Variants in COBL observed in about 807,000 individuals in gnomAD.
COBL encodes protein cordon-bleu.
Under a neutral mutation model 98.8 loss-of-function variants are expected in COBL, and 51 were observed. The observed-to-expected ratio is 0.52, with a 90% CI of 0.41 to 0.65. The LOEUF (loss-of-function observed/expected upper bound fraction) is 0.65. Among genes scored for constraint, COBL ranks in the 30% least tolerant of loss-of-function variants. The probability of loss-of-function intolerance (pLI) is 0.00; values close to 1 mark genes in which losing one functional copy is unlikely to be tolerated. For synonymous variants in COBL, 634 were observed against 651.7 expected (o/e 0.97, Z 0.41); for missense variants, 1,617 against 1,617.5 (o/e 1.00, Z 0.01).
chr7:51,201,265 GA>G (rs1791099076), intron 2 of COBL, among the ~76,000 whole-genome samples: 1 of 148,642 alleles, frequency 6.7e-6, no homozygotes, highest in Admixed American at 6.7e-5. Flanking sequence ...AAGAAAGAAA[GA>G]ATGAAAGAAA....
At chr7:51,178,569 A>G (rs1445626827) in intron 5 of COBL, among the ~76,000 whole-genome samples, 4 of 152,160 alleles carry the variant, frequency 2.6e-5, no homozygotes, top group African/African-American at 9.7e-5. Context: ...ATAAAAAAAG[A>G]AGAGAGAGGA....
chr7:51,209,710 T>C (rs1792226658), intron 2 of COBL, among the ~76,000 whole-genome samples: 1 of 152,150 alleles, frequency 6.6e-6, no homozygotes, highest in Non-Finnish European at 1.5e-5. Context: ...CCAGTCCTCC[T>C]GCGGTCTGAG....
chr7:51,121,363 AG>A (rs1370810736), intron 6 of COBL, among the ~76,000 whole-genome samples: 1 of 151,948 alleles, frequency 6.6e-6, no homozygotes, highest in African/African-American at 2.4e-5. Context: ...TTTTTAATTG[AG>A]TTGTTTGTTT....
chr7:51,271,810 A>G (rs1007314646), intron 1 of COBL, among the ~76,000 whole-genome samples: 1 of 152,214 alleles, frequency 6.6e-6, no homozygotes, highest in Admixed American at 6.5e-5. Context: ...CAGGAGGATC[A>G]CTTGAGGTCA....
chr7:51,314,272 C>CT (rs1208679699), intron 1 of COBL, among the ~76,000 whole-genome samples: 1 of 152,180 alleles, frequency 6.6e-6, no homozygotes, highest in Non-Finnish European at 1.5e-5. Flanking sequence ...ACAGCAACAG[C>CT]TTCACCACAT....
chr7:51,041,979 C>T (rs565113501), intron 8 of COBL, among the ~76,000 whole-genome samples: 224 of 152,180 alleles, frequency 1.5e-3, no homozygotes, highest in African/African-American at 5.2e-3. Flanking sequence ...AGCACTGGAA[C>T]AGAACAACGT....
In COBL at chr7:51,028,470, T is replaced by A. The variant is rs1562813105; in HGVS notation, c.2626A>T (p.Ile876Leu). 6.2e-7 allele frequency: 1 copy of A among 1,614,286 alleles called. No homozygotes were observed. Among genetic ancestry groups the A allele is most frequent in the Admixed American group, 1.7e-5 (1 of 60,038 alleles). The part of the protein sequence containing the change: ...QYVASAIAKR[I>L]GAPKVHADVV... ...TCAGCATGGACTTTTGGGGCTCCTA[T>A]GCGCTTGGCAATGGCAGAGGCCACA... Residue 876 changes from isoleucine to leucine, a missense_variant, in exon 10 of 13, where the codon ATA becomes TTA. Around this residue, in one of 3 missense-constraint regions of COBL, gnomAD observed 1,304 missense variants for 1,282.0 expected, o/e 1.02. Coordinates refer to ENST00000265136, the MANE Select transcript of COBL (RefSeq NM_015198.5).
chr7:51,036,993 G>A (rs1021312048), intron 8 of COBL, among the ~76,000 whole-genome samples: 4 of 152,264 alleles, frequency 2.6e-5, no homozygotes, highest in Admixed American at 2.0e-4. Context: ...ATCAGTGCTA[G>A]TTCCACTGTT....
intron 1 of COBL, among the ~76,000 whole-genome samples, chr7:51,310,231 C>G (rs1802885069): frequency 6.6e-6 from 1 of 152,200 alleles, no homozygotes. Flanking sequence ...AGAACACTGG[C>G]ACCTGGCAGA....
chr7:51,270,416 A>G (rs1354910676), intron 1 of COBL, among the ~76,000 whole-genome samples: 2 of 152,210 alleles, frequency 1.3e-5, no homozygotes, highest in Admixed American at 1.3e-4. Context: ...TGATGTGCCC[A>G]CTACGTGCCA....
intron 2 of COBL, among the ~76,000 whole-genome samples, chr7:51,211,811 T>A (rs1418943561): frequency 6.6e-6 from 1 of 152,186 alleles, no homozygotes; most frequent in Non-Finnish European, 1.5e-5. Flanking sequence ...TCAGGGATGA[T>A]CCCATAGGAT....
Position 51,092,130 on chromosome 7 carries a change from C to A in COBL, c.958-6826G>T, listed in dbSNP as rs559582336. ...TTAGGAGCGCAAACCCTATTGTGAA[C>A]TGTGCATGCATGGGATCTAGATTGT... On this transcript the variant is annotated intron_variant, in intron 6 of 12. Coordinates refer to ENST00000265136, the MANE Select transcript of COBL (RefSeq NM_015198.5). Among the ~76,000 whole-genome samples, 12 of 152,306 alleles carry A rather than the reference C, an allele frequency of 7.9e-5. No individual in the cohort carries two copies. In the South Asian group the frequency reaches 2.3e-3, roughly 29 times the overall value.
chr7:51,160,292 T>C (rs56255786), intron 5 of COBL, among the ~76,000 whole-genome samples: 10,157 of 152,256 alleles, frequency 0.067, 389 homozygotes, highest in Middle Eastern at 0.14. Context: ...AGGAGTTTTA[T>C]ATACACAAGG....
At chr7:51,025,713 T>A (rs571146400) in intron 11 of COBL, among the ~76,000 whole-genome samples, 1 of 152,344 alleles carries the variant, frequency 6.6e-6, no homozygotes, top group Admixed American at 6.5e-5. Flanking sequence ...CCACCCAGTC[T>A]GTCAGATTCT....
chr7:51,079,071 G>T (rs552730297), intron 7 of COBL, among the ~76,000 whole-genome samples: 1 of 152,126 alleles, frequency 6.6e-6, no homozygotes, highest in South Asian at 2.1e-4. Context: ...GTCAGCATTC[G>T]TGGCAAGAGG....
chr7:51,150,030 C>T (rs1449822706), intron 5 of COBL, among the ~76,000 whole-genome samples: 2 of 152,150 alleles, frequency 1.3e-5, no homozygotes. Context: ...CAGGGAGATA[C>T]TTCCAGGCAT....
intron 2 of COBL, among the ~76,000 whole-genome samples, chr7:51,208,338 T>C (rs530859511): frequency 1.5e-5 from 2 of 136,738 alleles, no homozygotes; most frequent in Admixed American, 7.3e-5. Flanking sequence ...AGGAGGGAGG[T>C]AGGGGGTCAG....
chr7:51,022,306 A>G (rs975265440), intron 12 of COBL, among the ~76,000 whole-genome samples: 12 of 152,352 alleles, frequency 7.9e-5, no homozygotes, highest in Admixed American at 2.6e-4. Context: ...GACTAATCCA[A>G]GAAACAATCA....
intron 12 of COBL, among the ~76,000 whole-genome samples, chr7:51,023,749 T>C (rs1459796595): frequency 2.0e-5 from 3 of 152,178 alleles, no homozygotes; most frequent in Admixed American, 2.0e-4. Context: ...CCTTCTCCAT[T>C]GTGCCAGCAG....
Sources: gnomAD v4.1 joint callset for allele counts (sites outside exome capture counted in the v4.1 genomes callset) on GRCh38, gnomAD v4.1.1 for gene constraint, gnomAD v4.1.1 regional missense constraint, MANE v1.5 for transcripts, NCBI Gene and HGNC (gene_info 2026-07-23, HGNC 2026-07-21) for gene names.